The following GULP1 variants were observed in gnomAD, a reference collection of about 807,000 sequenced individuals.
GULP1 encodes PTB domain-containing engulfment adapter protein 1.
Under a neutral mutation model 40.9 loss-of-function variants are expected in GULP1, and 19 were observed. The ratio of observed to expected loss-of-function variants is 0.46; its 90% CI spans 0.32 to 0.68. The LOEUF (loss-of-function observed/expected upper bound fraction) is 0.68, where lower values mean the gene tolerates loss of function less well. Among genes scored for constraint, GULP1 ranks in the 30% least tolerant of loss-of-function variants. The pLI, the probability that GULP1 is intolerant of heterozygous loss-of-function variation, is 0.03. For synonymous variants in GULP1, 119 were observed against 117.6 expected, an observed-to-expected ratio of 1.01 and a Z score of -0.08; for missense variants, 312 against 362.2, an observed-to-expected ratio of 0.86 and a Z score of 1.12.
chr2:188,575,241 A>C (rs1699940512), intron 9 of GULP1, among the ~76,000 whole-genome samples: 1 of 152,110 alleles, frequency 6.6e-6, no homozygotes, highest in Non-Finnish European at 1.5e-5. Flanking sequence ...ATATCACTTT[A>C]ATTTTCATTT....
At chr2:188,418,199 A>C (rs1317955050) in intron 2 of GULP1, among the ~76,000 whole-genome samples, 2 of 152,188 alleles carry the variant, frequency 1.3e-5, no homozygotes, top group African/African-American at 4.8e-5. Flanking sequence ...GTAGAGAAAC[A>C]CATTATTTCA....
intron 6 of GULP1, among the ~76,000 whole-genome samples, chr2:188,535,403 C>T (rs1238949266): frequency 1.3e-5 from 2 of 151,966 alleles, no homozygotes; most frequent in Admixed American, 1.3e-4. Flanking sequence ...TCCACGAGTA[C>T]CCAATGTTTT....
rs144343907 is a variant in GULP1 at position 188,377,325 on chromosome 2, C to T, written c.-171-6438C>T. Among the ~76,000 whole-genome samples the T allele has an allele frequency of 9.5e-3, 1,452 of 152,216 alleles. 16 individuals are homozygous for T. The highest frequency in any genetic ancestry group is 0.017 in the Middle Eastern group (5 of 290). On this transcript the variant is annotated intron_variant, in intron 1 of 11. Transcript: ENST00000409830. ...TGTATATTGCTGAGTTTTTATGTGTCGGGCTATATGATTAGTGCTGTGTAT... is the reference window on the plus strand; with the variant it reads ...TGTATATTGCTGAGTTTTTATGTGTTGGGCTATATGATTAGTGCTGTGTAT...
At chr2:188,364,873 T>TACAC (rs34440863) in intron 1 of GULP1, among the ~76,000 whole-genome samples, 125 of 149,624 alleles carry the variant, frequency 8.4e-4, no homozygotes, top group Admixed American at 6.9e-3. Context: ...CACACACATA[T>TACAC]ACACACACAC....
intron 7 of GULP1, among the ~76,000 whole-genome samples, chr2:188,551,595 C>T (rs548638908): frequency 1.2e-4 from 18 of 151,754 alleles, no homozygotes; most frequent in African/African-American, 4.1e-4. Flanking sequence ...TAGGTTGATT[C>T]CATATGTTTG....
At chr2:188,492,027 A>G (rs1312912388) in intron 4 of GULP1, among the ~76,000 whole-genome samples, 2 of 152,048 alleles carry the variant, frequency 1.3e-5, no homozygotes, top group Non-Finnish European at 1.5e-5. Flanking sequence ...TCATAAACGT[A>G]AACATAGACT....
intron 7 of GULP1, among the ~76,000 whole-genome samples, chr2:188,556,416 G>A (rs1231735664): frequency 6.6e-6 from 1 of 151,930 alleles, no homozygotes; most frequent in Non-Finnish European, 1.5e-5. Flanking sequence ...TATCTCTTCA[G>A]TATTTTTCTC....
At chr2:188,560,014 A>C (rs1343487054) in intron 7 of GULP1, among the ~76,000 whole-genome samples, 1 of 152,120 alleles carries the variant, frequency 6.6e-6, no homozygotes, top group Non-Finnish European at 1.5e-5. Context: ...GTTGAACTGT[A>C]AGTCGTATTA....
intron 3 of GULP1, among the ~76,000 whole-genome samples, chr2:188,478,181 G>A (rs572615650): frequency 5.9e-5 from 9 of 152,130 alleles, no homozygotes; most frequent in African/African-American, 2.2e-4. Context: ...TAGATTGAAA[G>A]CAATGAGGCC....
At chr2:188,421,011 A>T (rs1261886102) in intron 2 of GULP1, among the ~76,000 whole-genome samples, 1 of 152,168 alleles carries the variant, frequency 6.6e-6, no homozygotes, top group Non-Finnish European at 1.5e-5. Flanking sequence ...CTCTCCAGAT[A>T]GTTCATTTCC....
chr2:188,435,465 T>C (rs1172885301), intron 2 of GULP1, among the ~76,000 whole-genome samples: 1 of 152,068 alleles, frequency 6.6e-6, no homozygotes, highest in Non-Finnish European at 1.5e-5. Flanking sequence ...TCAATTCCAT[T>C]ATAAGAATCT....
intron 1 of GULP1, among the ~76,000 whole-genome samples, chr2:188,370,121 A>G (rs1011817704): frequency 3.3e-5 from 5 of 152,166 alleles, no homozygotes; most frequent in Non-Finnish European, 7.4e-5. Context: ...TAGATGATCT[A>G]GTCTTAGCTC....
intron 4 of GULP1, among the ~76,000 whole-genome samples, chr2:188,522,130 T>G (rs1000851010): frequency 6.6e-6 from 1 of 152,166 alleles, no homozygotes; most frequent in African/African-American, 2.4e-5. Context: ...GTAGATCATG[T>G]ATGTTTTATT....
intron 1 of GULP1, among the ~76,000 whole-genome samples, chr2:188,339,077 G>A (rs1248700884): frequency 6.6e-6 from 1 of 152,148 alleles, no homozygotes; most frequent in Non-Finnish European, 1.5e-5. Context: ...GAAATAGTTA[G>A]CTTATTGTTT....
intron 7 of GULP1, chr2:188,541,743 A>C (rs1690548108): frequency 4.2e-6 from 1 of 236,872 alleles, no homozygotes; most frequent in African/African-American, 2.3e-5. Flanking sequence ...TCTTAACTCC[A>C]GGAAATATGA....
chr2:188,310,331 C>T (rs905472337), intron 1 of GULP1, among the ~76,000 whole-genome samples: 4 of 151,984 alleles, frequency 2.6e-5, no homozygotes, highest in African/African-American at 7.2e-5. Flanking sequence ...AAAATAGTCT[C>T]GATTAGAGAA....
intron 1 of GULP1, among the ~76,000 whole-genome samples, chr2:188,375,707 T>A (rs2048206742): frequency 6.6e-6 from 1 of 152,204 alleles, no homozygotes; most frequent in African/African-American, 2.4e-5. Context: ...ATCTGAATAT[T>A]TCTAATGTAT....
At chr2:188,460,400 T>C (rs906572748) in intron 2 of GULP1, among the ~76,000 whole-genome samples, 11 of 148,508 alleles carry the variant, frequency 7.4e-5, no homozygotes, top group Middle Eastern at 3.5e-3. Context: ...TAATTTTATT[T>C]GTGGCTATTG....
intron 1 of GULP1, among the ~76,000 whole-genome samples, chr2:188,335,849 A>G (rs1428431017): frequency 6.6e-6 from 1 of 152,210 alleles, no homozygotes; most frequent in East Asian, 1.9e-4. Context: ...CATGCCTGGC[A>G]TAAAGCAGAA....
Sources: gnomAD v4.1 joint callset for allele counts (sites outside exome capture counted in the v4.1 genomes callset) on GRCh38, gnomAD v4.1.1 for gene constraint, MANE v1.5 for transcripts, NCBI Gene and HGNC (gene_info 2026-07-23, HGNC 2026-07-21) for gene names.